The following AFF4 variants were observed in gnomAD, a reference collection of about 807,000 sequenced individuals.
The protein encoded by AFF4 is ALF transcription elongation factor 4.
AFF4 carries 13 observed loss-of-function variants against 124.8 expected under a neutral mutation model. That is an observed-to-expected ratio of 0.10 (90% CI 0.07 to 0.17). The LOEUF (loss-of-function observed/expected upper bound fraction) is 0.17. Among genes scored for constraint, AFF4 ranks in the 10% least tolerant of loss-of-function variants. The probability of loss-of-function intolerance (pLI) is 1.00; values close to 1 mark genes in which losing one functional copy is unlikely to be tolerated. For synonymous variants in AFF4, 477 were observed against 496.1 expected, an observed-to-expected ratio of 0.96 and a Z score of 0.51; for missense variants, 1,092 against 1,403.8, an observed-to-expected ratio of 0.78 and a Z score of 3.55.
At position 132,896,397 on chromosome 5, in the gene AFF4, G is replaced by A. The variant is rs748688812; in HGVS notation, c.2233C>T (p.Pro745Ser). 4 of 1,613,606 alleles carry A rather than the reference G, an allele frequency of 2.5e-6. No individual in the cohort carries two copies. Among genetic ancestry groups the A allele is most frequent in the Non-Finnish European group, 3.4e-6 (4 of 1,179,932 alleles). Residue 745 changes from proline to serine, a missense_variant, in exon 11 of 21, where the codon CCA becomes TCA. Pro to Ser is a moderately conservative substitution (Grantham distance 74). This residue lies in a region of AFF4 where 293 missense variants were observed against 280.2 expected (regional missense o/e 1.05). Coordinates refer to ENST00000265343, the MANE Select transcript of AFF4 (RefSeq NM_014423.4). ...EPPKGEKKNV[P>S]EKHTREAQKQ... ...TGAGCCTCTCTCGTGTGCTTTTCTG[G>A]CACATTTTTCTTTTCCCCCTTGGGC... is the stretch of plus-strand genomic sequence containing the variant.
chr5:132,892,024 T>C, intron 13 of AFF4, 140 bp downstream of exon 13: 1 of 1,252,108 alleles, frequency 8.0e-7, no homozygotes, highest in Non-Finnish European at 1.1e-6. Context: ...TTTATCAGGA[T>C]TATTACATAT....
In AFF4 at chr5:132,937,091, A is replaced by T; in HGVS notation, c.99T>A (p.Pro33=). 6.2e-7 allele frequency: 1 copy of T among 1,613,504 alleles called. No individual in the cohort carries two copies. The highest frequency in any genetic ancestry group is 8.5e-7 in the Non-Finnish European group (1 of 1,179,802). ...QGEDAFPPSS[P]LFAEPYKVTS... ...CAACTTTGTATGGCTCTGCAAAGAG[A>T]GGAGAGCTAGGTGGGAAGGCGTCTT... Residue 33 remains proline, a synonymous_variant, in exon 2 of 21, where the codon CCT becomes CCA. Transcript: ENST00000265343.
intron 5 of AFF4, among the ~76,000 whole-genome samples, chr5:132,913,506 T>C (rs1760840066): frequency 6.6e-6 from 1 of 152,208 alleles, no homozygotes; most frequent in Non-Finnish European, 1.5e-5. Flanking sequence ...TACAGTGGCA[T>C]GATCATGGCT....
intron 2 of AFF4, among the ~76,000 whole-genome samples, chr5:132,936,130 G>A (rs886882073): frequency 2.6e-5 from 4 of 151,584 alleles, no homozygotes; most frequent in African/African-American, 9.7e-5. Context: ...AGCCGGGCAT[G>A]GTGGCAGGCG....
At position 132,930,853 on chromosome 5, in the gene AFF4, TC is replaced by T. The variant is rs531487002; in HGVS notation, c.963+1324del. On this transcript the variant is annotated intron_variant, in intron 4 of 20. Coordinates refer to ENST00000265343, the MANE Select transcript of AFF4 (RefSeq NM_014423.4). ...TGGGCGTGGTGGCTCATACCTATAA[TC>T]CCAGCACTTTGGGAGGCCAAGGCAG... is the stretch of plus-strand genomic sequence containing the variant. 2.1e-5 allele frequency among the ~76,000 whole-genome samples: 3 copies of T among 145,924 alleles called. No homozygotes were observed. In the South Asian group the frequency reaches 6.5e-4, roughly 32 times the overall value.
intron 5 of AFF4, among the ~76,000 whole-genome samples, chr5:132,908,730 A>G (rs928913179): frequency 4.7e-5 from 7 of 148,310 alleles, no homozygotes; most frequent in African/African-American, 1.7e-4. Flanking sequence ...ACACACACTC[A>G]TATATAATCT....
intron 1 of AFF4, among the ~76,000 whole-genome samples, chr5:132,955,813 T>TACAC (rs1370974350): frequency 1.5e-5 from 2 of 137,500 alleles, no homozygotes; most frequent in South Asian, 4.4e-4. Flanking sequence ...TATATATATA[T>TACAC]ACACACACAC....
In AFF4 at chr5:132,888,747, G is replaced by C. The variant is rs534614089; in HGVS notation, c.2732+332C>G. On this transcript the variant is annotated intron_variant, in intron 14 of 20. Coordinates refer to ENST00000265343, the MANE Select transcript of AFF4 (RefSeq NM_014423.4). ...GAGTCTCGCTCTGTTGCCCAGGCGG[G>C]AGTACAGTGGCACAATCTCGGCTCA... Among the ~76,000 whole-genome samples, 6 of 152,220 alleles carry C rather than the reference G, an allele frequency of 3.9e-5. No homozygotes were observed. In the South Asian group the frequency reaches 1.2e-3, roughly 32 times the overall value.
intron 11 of AFF4, 56 bp downstream of exon 11, chr5:132,896,267 C>T: frequency 6.6e-7 from 1 of 1,521,142 alleles, no homozygotes; most frequent in Non-Finnish European, 8.8e-7. Context: ...ACTGAGATTT[C>T]CACCGCATTT....
Position 132,892,355 on chromosome 5 carries a change from C to A in AFF4, c.2446G>T (p.Ala816Ser). 2 of 1,613,890 alleles carry A rather than the reference C, an allele frequency of 1.2e-6. No homozygotes were observed. The highest frequency in any genetic ancestry group is 1.7e-6 in the Non-Finnish European group (2 of 1,179,862). The change falls in exon 13 of 21, where the codon GCT becomes TCT. Residue 816 changes from alanine to serine, a missense_variant. By Grantham distance (99) the Ala-to-Ser change is moderately conservative. Around this residue, in one of 11 missense-constraint regions of AFF4, gnomAD observed 293 missense variants for 280.2 expected, o/e 1.05. Transcript: ENST00000265343. Reference protein sequence around the residue: ...AKEKDLLPSPAGPVPSKDPKT... With the variant: ...AKEKDLLPSPSGPVPSKDPKT... ...GGATCTTTTGAAGGAACAGGCCCAG[C>A]GGGAGAAGGCAACAAATCCTTTTCT... is the stretch of plus-strand genomic sequence containing the variant.
At chr5:132,939,018 G>T (rs564450689) in intron 1 of AFF4, among the ~76,000 whole-genome samples, 52 of 140,694 alleles carry the variant, frequency 3.7e-4, no homozygotes, top group Middle Eastern at 4.5e-3. Flanking sequence ...TGGGAGGATC[G>T]CTTGACCTGC....
chr5:132,908,426 T>C (rs1200925565), intron 5 of AFF4, among the ~76,000 whole-genome samples: 1 of 152,102 alleles, frequency 6.6e-6, no homozygotes, highest in African/African-American at 2.4e-5. Flanking sequence ...ACCATGCTTA[T>C]TAAATCACAG....
chr5:132,935,050 G>A (rs1761393804), intron 2 of AFF4, 109 bp from the exon 3 acceptor site: 1 of 857,024 alleles, frequency 1.2e-6, no homozygotes, highest in East Asian at 2.8e-5. Context: ...TTTTCAAAGG[G>A]AGGCTTTACC....
intron 1 of AFF4, among the ~76,000 whole-genome samples, chr5:132,962,684 T>C (rs1762105153): frequency 6.6e-6 from 1 of 152,022 alleles, no homozygotes; most frequent in African/African-American, 2.4e-5. Context: ...CACAAGCTAC[T>C]GGGATAACTA....
chr5:132,949,700 A>ACGCG lies in AFF4; in HGVS notation c.-4-12511_-4-12508dup, dbSNP rs34997571. 1.7e-3 allele frequency among the ~76,000 whole-genome samples: 252 copies of ACGCG among 146,696 alleles called. 1 individual carries two copies. The highest frequency in any genetic ancestry group is 3.6e-3 in the African/African-American group (143 of 39,196). ...CCATGTGTACCACACACACACACACACGCGCGCGCGCGCGCGCCAGGCGTG... is the reference window on the plus strand; with the variant it reads ...CCATGTGTACCACACACACACACACACGCGCGCGCGCGCGCGCGCGCCAGGCGTG... On this transcript the variant is annotated intron_variant, in intron 1 of 20. Coordinates refer to ENST00000265343, the MANE Select transcript of AFF4 (RefSeq NM_014423.4).
intron 5 of AFF4, among the ~76,000 whole-genome samples, chr5:132,924,966 A>G (rs1365809214): frequency 6.6e-6 from 1 of 151,746 alleles, no homozygotes; most frequent in Admixed American, 6.6e-5. Flanking sequence ...ACCTGACGTC[A>G]GGAGTTCAGA....
rs186263898 is a variant in AFF4 at position 132,880,270 on chromosome 5, G to T, written c.*789C>A. On this transcript the variant is annotated 3_prime_UTR_variant, in exon 21 of 21. Coordinates refer to ENST00000265343, the MANE Select transcript of AFF4 (RefSeq NM_014423.4). Reference sequence around the variant, plus strand: ...TTTATGAAACCCTTCAACATGAAATGCTTCTTCTAGAAAGTTTGTCCTCCC... The same window carrying T: ...TTTATGAAACCCTTCAACATGAAATTCTTCTTCTAGAAAGTTTGTCCTCCC... 3.5e-5 allele frequency: 14 copies of T among 398,914 alleles called. No individual in the cohort carries two copies. In the Admixed American group the frequency reaches 6.2e-4, roughly 18 times the overall value. 24.7% of individuals were successfully genotyped at this position (398,914 alleles called of 1,614,324 possible).
intron 13 of AFF4, among the ~76,000 whole-genome samples, chr5:132,890,909 T>TA (rs1760237553): frequency 2.0e-5 from 3 of 152,096 alleles, no homozygotes; most frequent in Non-Finnish European, 4.4e-5. Context: ...ACTCCTTTCT[T>TA]ACGTGTGATA....
At position 132,909,123 on chromosome 5, in the gene AFF4, CTT is replaced by C. The variant is rs34141962; in HGVS notation, c.1051-4721_1051-4720del. 4.0e-3 allele frequency among the ~76,000 whole-genome samples: 448 copies of C among 112,786 alleles called. 4 individuals carry two copies. Among genetic ancestry groups the C allele is most frequent in the African/African-American group, 0.012 (353 of 28,784 alleles). 74.0% of individuals were successfully genotyped at this position (112,786 alleles called of 152,430 possible). A position where few individuals can be genotyped will look rare whatever the true frequency, so the allele number is the denominator to read the frequency against. The stretch of plus-strand genomic sequence containing the variant: ...ACTTCATTCATTGTTAAAACATCAT[CTT>C]TTTTTTTTTTTTTTTTTGAGATGGA... On this transcript the variant is annotated intron_variant, in intron 5 of 20. Transcript: ENST00000265343.
Sources: allele counts gnomAD v4.1 joint callset (sites outside exome capture counted in the v4.1 genomes callset), GRCh38; gene constraint gnomAD v4.1.1; regional missense constraint gnomAD v4.1.1; transcripts MANE v1.5; gene names NCBI Gene and HGNC (gene_info 2026-07-23, HGNC 2026-07-21).